The following OR5H14 variants were observed in gnomAD, a reference collection of about 807,000 sequenced individuals.
OR5H14 encodes olfactory receptor family 5 subfamily H member 14.
For missense variants in OR5H14, 392 were observed against 363.9 expected (o/e 1.08, Z -0.63); for synonymous variants, 155 against 130.6 (o/e 1.19, Z -1.28).
rs146571082 is a variant in OR5H14, at chr3:98,150,039, C to T, written c.654C>T (p.Tyr218=). The T allele has an allele frequency of 7.4e-6, 12 of 1,612,484 alleles. No individual in the cohort carries two copies. In the East Asian group the frequency reaches 2.5e-4, roughly 33 times the overall value. The change falls in exon 2 of 2, where the codon TAC becomes TAT. Residue 218 remains tyrosine (Y), a synonymous_variant. Coordinates refer to ENST00000641380, the MANE Select transcript of OR5H14 (RefSeq NM_001005514.2). ...CCATAGGGACTGTTCTTATATCTTA[C>T]ATATTTGTCCTCTATACAATCTTGA... The part of the protein sequence containing the change: ...VFTIGTVLIS[Y]IFVLYTILKK...
At position 98,155,567 on chromosome 3, in the gene OR5H14, TC is replaced by T. The variant is rs1484197797; in HGVS notation, c.*5254del. ...GATTGTCTTTGTTTTTATTTTTTCC[TC>T]CCCCTGATGTTTGCCTGTTAACATT... On this transcript the variant is annotated 3_prime_UTR_variant, in exon 2 of 2. Transcript: ENST00000641380. The T allele has an allele frequency of 6.6e-6, 1 of 152,224 alleles. No individual in the cohort carries two copies. Among genetic ancestry groups the T allele is most frequent in the Non-Finnish European group, 1.5e-5 (1 of 68,024 alleles). The allele number at this position is 152,224 out of a possible 1,614,324, so 9.4% of individuals were successfully genotyped here.
At chr3:98,149,302 C>G in intron 1 of OR5H14, 66 bp from the exon 2 acceptor site, 20 of 1,524,810 alleles carry the variant, frequency 1.3e-5, no homozygotes, top group Non-Finnish European at 1.8e-5. Context: ...ATCAACACCT[C>G]TTTCCCAATT....
Position 98,156,414 on chromosome 3 carries a change from T to G in OR5H14, c.*6096T>G, listed in dbSNP as rs539115630. The stretch of plus-strand genomic sequence containing the variant: ...GGAACCAAGAAGAGTGAAGAATCTT[T>G]GTATCTCATTATTATGGTTAAAATC... On this transcript the variant is annotated 3_prime_UTR_variant, in exon 2 of 2. Coordinates refer to ENST00000641380, the MANE Select transcript of OR5H14 (RefSeq NM_001005514.2). 9.2e-5 allele frequency: 14 copies of G among 152,266 alleles called. No individual in the cohort carries two copies. The South Asian group carries it at 2.7e-3, about 29-fold the overall frequency. The allele number at this position is 152,266 out of a possible 1,614,324, so 9.4% of individuals were successfully genotyped here.
At chr3:98,148,544 A>G (rs1708452324) in intron 1 of OR5H14, among the ~76,000 whole-genome samples, 1 of 152,004 alleles carries the variant, frequency 6.6e-6, no homozygotes, top group Non-Finnish European at 1.5e-5. Context: ...TTAATGACCA[A>G]TTACCCAGTC....
intron 1 of OR5H14, chr3:98,148,144 C>T (rs915179509): frequency 3.3e-5 from 5 of 151,740 alleles, no homozygotes; most frequent in Non-Finnish European, 7.4e-5. Flanking sequence ...CATTTGCCAT[C>T]CTAGATCATG....
In OR5H14 at chr3:98,150,567, T is replaced by C. The variant is rs1708494369; in HGVS notation, c.*249T>C. On this transcript the variant is annotated 3_prime_UTR_variant, in exon 2 of 2. Transcript: ENST00000641380. ...AGAAGCAAATAAAAATATTGTACAG[T>C]ATGGTATGTTAATCACTGTGTCTTA... 3.3e-6 allele frequency: 1 copy of C among 306,186 alleles called. No homozygotes were observed. Among genetic ancestry groups the C allele is most frequent in the Non-Finnish European group, 6.0e-6 (1 of 166,460 alleles). 19.0% of individuals were successfully genotyped at this position (306,186 alleles called of 1,614,324 possible).
Position 98,149,527 on chromosome 3 carries a change from G to A in OR5H14, c.142G>A (p.Val48Ile), listed in dbSNP as rs776467918. The change falls in exon 2 of 2, where the codon GTC becomes ATC. Residue 48 changes from valine to isoleucine, a missense_variant. By Grantham distance (29) the Val-to-Ile change is conservative. Transcript: ENST00000641380. ...TIMGNLGLIA[V>I]IWKDPHLHIP... Reference sequence around the variant, plus strand: ...CATGGGGAATCTTGGTCTGATTGCTGTCATCTGGAAAGACCCTCATCTTCA... The same window carrying A: ...CATGGGGAATCTTGGTCTGATTGCTATCATCTGGAAAGACCCTCATCTTCA... 6.2e-7 allele frequency: 1 copy of A among 1,613,478 alleles called. No individual in the cohort carries two copies. The highest frequency in any genetic ancestry group is 1.1e-5 in the South Asian group (1 of 91,060).
rs766055086 is a variant in OR5H14, at chr3:98,150,060, C to G, written c.675C>G (p.Ile225Met). Reference protein sequence around the residue: ...LISYIFVLYTILKKKSVKGMR... With the variant: ...LISYIFVLYTMLKKKSVKGMR... ...CTTACATATTTGTCCTCTATACAAT[C>G]TTGAAAAAGAAGTCTGTCAAAGGTA... The change falls in exon 2 of 2, where the codon ATC (isoleucine) becomes ATG (methionine). Residue 225 changes from isoleucine (I) to methionine (M), a missense_variant. Coordinates refer to ENST00000641380, the MANE Select transcript of OR5H14 (RefSeq NM_001005514.2). 2 of 1,611,306 alleles carry G rather than the reference C, an allele frequency of 1.2e-6. No homozygotes were observed. Among genetic ancestry groups the G allele is most frequent in the South Asian group, 2.2e-5 (2 of 90,776 alleles).
rs539794542 is a variant in OR5H14, at chr3:98,155,918, A to G, written c.*5600A>G. 1.3e-5 allele frequency: 2 copies of G among 152,120 alleles called. No homozygotes were observed. The highest frequency in any genetic ancestry group is 2.9e-5 in the Non-Finnish European group (2 of 68,020). The allele number at this position is 152,120 out of a possible 1,614,324, so 9.4% of individuals were successfully genotyped here. A position where few individuals can be genotyped will look rare whatever the true frequency, so the allele number is the denominator to read the frequency against. On this transcript the variant is annotated 3_prime_UTR_variant, in exon 2 of 2. Transcript: ENST00000641380. ...AGTGACTTAATATCTATGTTTCTAAACTCTGCAATACCCTGCAGGATAATC... is the reference window on the plus strand; with the variant it reads ...AGTGACTTAATATCTATGTTTCTAAGCTCTGCAATACCCTGCAGGATAATC...
rs1331186179 is a variant in OR5H14, at chr3:98,150,381, C to T, written c.*63C>T. 4.3e-6 allele frequency: 5 copies of T among 1,166,160 alleles called. No homozygotes were observed. The highest frequency in any genetic ancestry group is 2.0e-4 in the Middle Eastern group (1 of 4,930). 72.2% of individuals were successfully genotyped at this position (1,166,160 alleles called of 1,614,324 possible). Reference sequence around the variant, plus strand: ...CACAAAATTGTGCAAATTAGAGGTACCTATGTTTTTGCCAGCATTAAAAGA... The same window carrying T: ...CACAAAATTGTGCAAATTAGAGGTATCTATGTTTTTGCCAGCATTAAAAGA... On this transcript the variant is annotated 3_prime_UTR_variant, in exon 2 of 2. Coordinates refer to ENST00000641380, the MANE Select transcript of OR5H14 (RefSeq NM_001005514.2).
At position 98,151,629 on chromosome 3, in the gene OR5H14, A is replaced by G. The variant is rs531031595; in HGVS notation, c.*1311A>G. ...ATCATTGCTACCTGATTATACGTACATGTGTTTTAGGTGTCAATATCTATG... is the reference window on the plus strand; with the variant it reads ...ATCATTGCTACCTGATTATACGTACGTGTGTTTTAGGTGTCAATATCTATG... On this transcript the variant is annotated 3_prime_UTR_variant, in exon 2 of 2. Coordinates refer to ENST00000641380, the MANE Select transcript of OR5H14 (RefSeq NM_001005514.2). The G allele has an allele frequency of 6.6e-6, 1 of 152,036 alleles. No individual in the cohort carries two copies. Among genetic ancestry groups the G allele is most frequent in the African/African-American group, 2.4e-5 (1 of 41,384 alleles). 9.4% of individuals were successfully genotyped at this position (152,036 alleles called of 1,614,324 possible).
At chr3:98,149,013 G>T (rs1708459834) in intron 1 of OR5H14, among the ~76,000 whole-genome samples, 1 of 151,962 alleles carries the variant, frequency 6.6e-6, no homozygotes, top group Non-Finnish European at 1.5e-5. Flanking sequence ...GAAATATAAA[G>T]TTTAAGATTC....
Position 98,153,720 on chromosome 3 carries a change from C to A in OR5H14, c.*3402C>A, listed in dbSNP as rs755009223. On this transcript the variant is annotated 3_prime_UTR_variant, in exon 2 of 2. Coordinates refer to ENST00000641380, the MANE Select transcript of OR5H14 (RefSeq NM_001005514.2). The stretch of plus-strand genomic sequence containing the variant: ...GATGGGACAAAATGGCAGTTGCAAT[C>A]TGTTGATTTTTCTGTTTTGCAGTCT... The A allele has an allele frequency of 6.6e-6, 1 of 152,178 alleles. No individual in the cohort carries two copies. Among genetic ancestry groups the A allele is most frequent in the Non-Finnish European group, 1.5e-5 (1 of 68,032 alleles). 9.4% of individuals were successfully genotyped at this position (152,178 alleles called of 1,614,324 possible). A position where few individuals can be genotyped will look rare whatever the true frequency, so the allele number is the denominator to read the frequency against.
At position 98,153,506 on chromosome 3, in the gene OR5H14, C is replaced by T. The variant is rs1708538061; in HGVS notation, c.*3188C>T. The T allele has an allele frequency of 6.6e-6, 1 of 152,050 alleles. No homozygotes were observed. The highest frequency in any genetic ancestry group is 1.5e-5 in the Non-Finnish European group (1 of 68,020). The allele number at this position is 152,050 out of a possible 1,614,324, so 9.4% of individuals were successfully genotyped here. On this transcript the variant is annotated 3_prime_UTR_variant, in exon 2 of 2. Coordinates refer to ENST00000641380, the MANE Select transcript of OR5H14 (RefSeq NM_001005514.2). ...GCTGTGGCAGGAGAATCACTTAAAC[C>T]CAGGAGTGGGAGGTTGCAGTGAGCC...
At position 98,150,080 on chromosome 3, in the gene OR5H14, A is replaced by C; in HGVS notation, c.695A>C (p.Lys232Thr). The change falls in exon 2 of 2, where the codon AAA becomes ACA. Residue 232 changes from lysine to threonine, a missense_variant. Physicochemically the swap from Lys to Thr is moderately conservative, Grantham distance 78. Transcript: ENST00000641380. ...ACAATCTTGAAAAAGAAGTCTGTCA[A>C]AGGTATGAGAAAAGCCTTCTCCACC... ...LYTILKKKSV[K>T]GMRKAFSTCG... The C allele has an allele frequency of 6.2e-7, 1 of 1,610,840 alleles. No homozygotes were observed. The highest frequency in any genetic ancestry group is 8.5e-7 in the Non-Finnish European group (1 of 1,178,998).
At position 98,150,574 on chromosome 3, in the gene OR5H14, T is replaced by C; in HGVS notation, c.*256T>C. The C allele has an allele frequency of 3.6e-6, 1 of 281,302 alleles. No homozygotes were observed. 17.4% of individuals were successfully genotyped at this position (281,302 alleles called of 1,614,324 possible). On this transcript the variant is annotated 3_prime_UTR_variant, in exon 2 of 2. Coordinates refer to ENST00000641380, the MANE Select transcript of OR5H14 (RefSeq NM_001005514.2). ...AATAAAAATATTGTACAGTATGGTA[T>C]GTTAATCACTGTGTCTTATAAATGC...
In OR5H14 at chr3:98,150,078, C is replaced by G; in HGVS notation, c.693C>G (p.Val231=). ...ATACAATCTTGAAAAAGAAGTCTGT[C>G]AAAGGTATGAGAAAAGCCTTCTCCA... is the stretch of plus-strand genomic sequence containing the variant. ...VLYTILKKKS[V]KGMRKAFSTC... Residue 231 remains valine, a synonymous_variant, in exon 2 of 2, where the codon GTC becomes GTG. Transcript: ENST00000641380. The G allele has an allele frequency of 6.2e-6, 10 of 1,611,088 alleles. No homozygotes were observed. The highest frequency in any genetic ancestry group is 8.5e-6 in the Non-Finnish European group (10 of 1,178,998).
rs558065491 is a variant in OR5H14 at position 98,150,228 on chromosome 3, A to G, written c.843A>G (p.Ile281Met). The change falls in exon 2 of 2, where the codon ATA (isoleucine) becomes ATG (methionine). Residue 281 changes from isoleucine to methionine, a missense_variant. Coordinates refer to ENST00000641380, the MANE Select transcript of OR5H14 (RefSeq NM_001005514.2). ...DMMESLFYTV[I>M]VPLLNPMIYS... is the part of the protein sequence containing the mutation. ...TGGAGTCTCTATTTTACACTGTCAT[A>G]GTTCCTTTATTAAATCCCATGATCT... 1.9e-6 allele frequency: 3 copies of G among 1,610,988 alleles called. No individual in the cohort carries two copies. The African/African-American group carries it at 4.0e-5, about 21-fold the overall frequency.
At position 98,156,247 on chromosome 3, in the gene OR5H14, A is replaced by G. The variant is rs764398240; in HGVS notation, c.*5929A>G. On this transcript the variant is annotated 3_prime_UTR_variant, in exon 2 of 2. Transcript: ENST00000641380. ...TTAGAAAGCCTAATACTTTTAAAGG[A>G]TCTCCATAATTTCTTATGATATTAG... 1 of 152,164 alleles carries G rather than the reference A, an allele frequency of 6.6e-6. No homozygotes were observed. Among genetic ancestry groups the G allele is most frequent in the Non-Finnish European group, 1.5e-5 (1 of 68,016 alleles). 9.4% of individuals were successfully genotyped at this position (152,164 alleles called of 1,614,324 possible). A position where few individuals can be genotyped will look rare whatever the true frequency, so the allele number is the denominator to read the frequency against.
Sources: gnomAD v4.1 joint callset for allele counts (sites outside exome capture counted in the v4.1 genomes callset) on GRCh38, gnomAD v4.1.1 for gene constraint, MANE v1.5 for transcripts, NCBI Gene and HGNC (gene_info 2026-07-23, HGNC 2026-07-21) for gene names.